UTS2: variants seen among roughly 807,000 people sequenced by gnomAD.
The protein encoded by UTS2 is urotensin-2.
UTS2 carries 10 observed loss-of-function variants against 12.6 expected under a neutral mutation model. The observed-to-expected ratio is 0.80, with a 90% confidence interval of 0.49 to 1.35. The LOEUF (loss-of-function observed/expected upper bound fraction) is 1.35, where lower values mean the gene tolerates loss of function less well. UTS2 is among the 40% of genes most tolerant of loss of function. The pLI is 0.00. For synonymous variants in UTS2, 52 were observed against 50.0 expected (o/e 1.04, Z -0.17); for missense variants, 142 against 143.2 (o/e 0.99, Z 0.04).
chr1:7,850,776 A>G, intron 2 of UTS2, 36 bp downstream of exon 2: 1 of 1,600,400 alleles, frequency 6.2e-7, no homozygotes, highest in African/African-American at 1.3e-5. Flanking sequence ...AGTAGCAATT[A>G]AATCAGACAC....
rs1403448127 is a variant in UTS2, at chr1:7,850,800, G to A, written c.214+12C>T. 3 of 1,612,142 alleles carry A rather than the reference G, an allele frequency of 1.9e-6. No homozygotes were observed. The highest frequency in any genetic ancestry group is 1.3e-5 in the African/African-American group (1 of 74,884). On this transcript the variant is annotated intron_variant, in intron 2 of 3. Transcript: ENST00000361696. ...TAAATCAGACACGCTATAAACATGA[G>A]AAGCATTTTACCTGCTTTCCTGAGA...
At chr1:7,890,548 C>T in the UTS2 span, among the ~76,000 whole-genome samples, 1 of 152,056 alleles carries the variant, frequency 6.6e-6, no homozygotes, top group African/African-American at 2.4e-5. Context: ...AGAAGGTTTA[C>T]AGATGCATTT....
At chr1:7,885,907 G>T in the UTS2 span, among the ~76,000 whole-genome samples, 1 of 85,040 alleles carries the variant, frequency 1.2e-5, no homozygotes, top group East Asian at 5.8e-4. Context: ...GGGGGGTGGG[G>T]TGGGGGGGGG....
chr1:7,862,114 T>C, the UTS2 span, among the ~76,000 whole-genome samples: 1 of 151,946 alleles, frequency 6.6e-6, no homozygotes, highest in African/African-American at 2.4e-5. Flanking sequence ...GATTGCACCA[T>C]GTTGGCCAGG....
chr1:7,895,199 T>C, the UTS2 span, among the ~76,000 whole-genome samples: 1 of 151,958 alleles, frequency 6.6e-6, no homozygotes, highest in Non-Finnish European at 1.5e-5. Flanking sequence ...GGAAACCCTG[T>C]CTCTACTAAA....
chr1:7,880,282 T>G, the UTS2 span, among the ~76,000 whole-genome samples: 1 of 151,694 alleles, frequency 6.6e-6, no homozygotes, highest in African/African-American at 2.4e-5. Flanking sequence ...AAATAAAAAT[T>G]TAAAAGATCA....
the UTS2 span, among the ~76,000 whole-genome samples, chr1:7,875,484 C>A: frequency 6.6e-6 from 1 of 152,178 alleles, no homozygotes; most frequent in East Asian, 1.9e-4. Flanking sequence ...GGCGTGAGGA[C>A]AAGACCACTC....
At chr1:7,891,113 A>G in the UTS2 span, among the ~76,000 whole-genome samples, 1 of 152,182 alleles carries the variant, frequency 6.6e-6, no homozygotes, top group African/African-American at 2.4e-5. Flanking sequence ...TCTCCAGATC[A>G]TTATGATGAG....
the UTS2 span, among the ~76,000 whole-genome samples, chr1:7,867,129 C>G: frequency 6.6e-6 from 1 of 152,166 alleles, no homozygotes; most frequent in African/African-American, 2.4e-5. Flanking sequence ...CTCGGCCTCC[C>G]AGAGTGCTGA....
At chr1:7,880,089 A>G in the UTS2 span, among the ~76,000 whole-genome samples, 9 of 151,920 alleles carry the variant, frequency 5.9e-5, no homozygotes, top group Admixed American at 2.0e-4. Flanking sequence ...AGACTCCATC[A>G]GTATAAAAAA....
At chr1:7,864,364 C>T in the UTS2 span, among the ~76,000 whole-genome samples, 1 of 152,172 alleles carries the variant, frequency 6.6e-6, no homozygotes, top group African/African-American at 2.4e-5. Flanking sequence ...TCCGACCTTC[C>T]CCCTCTCCCT....
the UTS2 span, among the ~76,000 whole-genome samples, chr1:7,881,705 C>T: frequency 6.6e-6 from 1 of 152,050 alleles, no homozygotes; most frequent in African/African-American, 2.4e-5. Flanking sequence ...GACCATACTC[C>T]CCAAAGCAAT....
chr1:7,896,702 C>CT, the UTS2 span, among the ~76,000 whole-genome samples: 118 of 147,236 alleles, frequency 8.0e-4, no homozygotes, highest in Middle Eastern at 0.01. Flanking sequence ...GAAAAAGAAG[C>CT]TTTTTTTTTT....
At chr1:7,869,707 C>A in the UTS2 span, among the ~76,000 whole-genome samples, 1 of 152,206 alleles carries the variant, frequency 6.6e-6, no homozygotes, top group African/African-American at 2.4e-5. Flanking sequence ...GGATGCGTCA[C>A]GCACCCGAGT....
the UTS2 span, among the ~76,000 whole-genome samples, chr1:7,870,118 G>A: frequency 1.3e-5 from 2 of 152,174 alleles, no homozygotes; most frequent in Non-Finnish European, 2.9e-5. Context: ...GTGCTGAGTT[G>A]TGTACCCCCA....
At chr1:7,903,373 AATT>A in the UTS2 span, among the ~76,000 whole-genome samples, 2 of 140,114 alleles carry the variant, frequency 1.4e-5, no homozygotes, top group Non-Finnish European at 3.0e-5. Flanking sequence ...TCCTTTTTTT[AATT>A]ATTAATTAAT....
the UTS2 span, among the ~76,000 whole-genome samples, chr1:7,863,205 G>T: frequency 6.6e-6 from 1 of 151,750 alleles, no homozygotes; most frequent in African/African-American, 2.4e-5. Context: ...TCCGCCTCCC[G>T]GGTTCAAGTG....
chr1:7,858,269 C>T (rs1638355526), upstream of UTS2, among the ~76,000 whole-genome samples: 1 of 152,188 alleles, frequency 6.6e-6, no homozygotes, highest in Non-Finnish European at 1.5e-5. Context: ...CGCTAATGGC[C>T]CTTGCATTAA....
the UTS2 span, among the ~76,000 whole-genome samples, chr1:7,893,618 C>T: frequency 6.6e-6 from 1 of 152,102 alleles, no homozygotes; most frequent in South Asian, 2.1e-4. Flanking sequence ...GCCATGTGGA[C>T]GACAAACATC....
Sources: allele counts gnomAD v4.1 joint callset (sites outside exome capture counted in the v4.1 genomes callset), GRCh38; gene constraint gnomAD v4.1.1; transcripts MANE v1.5; gene names NCBI Gene and HGNC (gene_info 2026-07-23, HGNC 2026-07-21).